The following FAM9B variants were observed in gnomAD, a reference collection of about 807,000 sequenced individuals.
FAM9B encodes the protein family with sequence similarity 9 member B.
FAM9B carries 18 observed loss-of-function variants against 16.6 expected under a neutral mutation model. The observed-to-expected ratio is 1.09, with a 90% confidence interval of 0.75 to 1.61. The LOEUF (loss-of-function observed/expected upper bound fraction) is 1.61, where lower values mean the gene tolerates loss of function less well. Ranked by LOEUF, FAM9B falls within the 40% of genes most tolerant of loss-of-function variation. The probability of loss-of-function intolerance (pLI) is 0.00; values close to 1 mark genes in which losing one functional copy is unlikely to be tolerated. For missense variants in FAM9B, 155 were observed against 136.0 expected (o/e 1.14, Z -0.70); for synonymous variants, 43 against 42.6 (o/e 1.01, Z -0.03).
chrX:9,026,164 TA>T (rs1920964906), intron 7 of FAM9B, among the ~76,000 whole-genome samples: 1 of 111,843 alleles, frequency 8.9e-6, no homozygotes, highest in African/African-American at 3.2e-5. Context: ...AATGCACAAA[TA>T]AAAAACAAGT....
At chrX:9,029,982 A>G in intron 5 of FAM9B, 2 of 415,126 alleles carry the variant, frequency 4.8e-6, no homozygotes, top group Non-Finnish European at 8.3e-6. Context: ...TGCAGCTACC[A>G]TATTTCTAGA....
chrX:9,032,397 A>G lies in FAM9B; in HGVS notation c.93T>C (p.Asp31=), dbSNP rs756328331. The change falls in exon 3 of 9, where the codon GAT becomes GAC. Residue 31 remains aspartate (D), a synonymous_variant. Coordinates refer to ENST00000327220, the MANE Select transcript of FAM9B (RefSeq NM_205849.3). ...CTCTTTCCCCATGCTCATCAGTTAC[A>G]TCTTCCTCCCTTGTTTCTGTAAAAC... ...RNRFTETREE[D]VTDEHGEREP... is the part of the protein sequence containing the mutation. 2 of 1,211,742 alleles carry G rather than the reference A, an allele frequency of 1.7e-6. No homozygotes were observed. The highest frequency in any genetic ancestry group is 5.9e-5 in the East Asian group (2 of 33,807).
chrX:9,030,259 A>G lies in FAM9B; in HGVS notation c.281+2T>C. The G allele has an allele frequency of 8.4e-7, 1 of 1,193,459 alleles. No individual in the cohort carries two copies. Among genetic ancestry groups the G allele is most frequent in the Non-Finnish European group, 1.1e-6 (1 of 885,866 alleles). On this transcript the variant is annotated splice_donor_variant, in intron 5 of 8. Transcript: ENST00000327220. LOFTEE classifies it high-confidence loss of function. The stretch of plus-strand genomic sequence containing the variant: ...ATTATGCAAAAAAGCCAACAGTCAT[A>G]CCTTTTAAGTTGCTTTTTTCTCAAA...
At chrX:9,033,346 C>A in intron 1 of FAM9B, 1 of 1,028,162 alleles carries the variant, frequency 9.7e-7, no homozygotes, top group Admixed American at 4.1e-5. Flanking sequence ...AGAACTCAGC[C>A]CTACCTCTGA....
intron 1 of FAM9B, chrX:9,033,320 G>A (rs1280592988): frequency 1.0e-5 from 11 of 1,053,628 alleles, no homozygotes; most frequent in African/African-American, 7.7e-5. Flanking sequence ...CGGGATCCTC[G>A]CCGCCCTTTT....
intron 7 of FAM9B, among the ~76,000 whole-genome samples, chrX:9,026,218 G>A (rs1175403130): frequency 7.1e-5 from 8 of 111,987 alleles, no homozygotes; most frequent in Admixed American, 4.8e-4. Flanking sequence ...CAACTCACTC[G>A]GGCATGTAGC....
chrX:9,030,286 C>T lies in FAM9B; in HGVS notation c.256G>A (p.Ala86Thr), dbSNP rs755079225. ...CTTTTAAGTTGCTTTTTTCTCAAAG[C>T]ATGTTTACTTTTGTTCTTTGTTTTG... ...CSKTKNKSKH[A>T]LRKKQLKRQK... The change falls in exon 5 of 9, where the codon GCT becomes ACT. Residue 86 changes from alanine to threonine, a missense_variant. Ala to Thr is a moderately conservative substitution (Grantham distance 58, BLOSUM62 0). Coordinates refer to ENST00000327220, the MANE Select transcript of FAM9B (RefSeq NM_205849.3). 2.5e-6 allele frequency: 3 copies of T among 1,202,019 alleles called. No homozygotes were observed. Among genetic ancestry groups the T allele is most frequent in the Admixed American group, 2.2e-5 (1 of 44,664 alleles).
intron 7 of FAM9B, 83 bp from the exon 8 acceptor site, chrX:9,025,666 A>C: frequency 1.4e-6 from 1 of 725,192 alleles, no homozygotes; most frequent in Non-Finnish European, 2.1e-6. Context: ...GTCAAAAGGA[A>C]ACAGCTTTTA....
In FAM9B at chrX:9,032,983, C is replaced by T; in HGVS notation, c.4G>A (p.Ala2Thr). The T allele has an allele frequency of 1.7e-6, 2 of 1,211,986 alleles. No homozygotes were observed. Among genetic ancestry groups the T allele is most frequent in the Non-Finnish European group, 2.2e-6 (2 of 895,556 alleles). MAAWGKKHAGKD... is the reference protein window; with the variant it reads MTAWGKKHAGKD... ...CCTGCATGCTTCTTCCCCCAGGCCG[C>T]CATAAATTGAGCCTCCAACTGGGCC... Residue 2 changes from alanine to threonine, a missense_variant, in exon 2 of 9, where the codon GCG (alanine) becomes ACG (threonine). Ala to Thr is a moderately conservative substitution (Grantham distance 58). Transcript: ENST00000327220.
intron 6 of FAM9B, among the ~76,000 whole-genome samples, chrX:9,029,042 C>T (rs995384490): frequency 8.9e-6 from 1 of 111,812 alleles, no homozygotes; most frequent in African/African-American, 3.2e-5. Context: ...GGCTACACCC[C>T]GACCCAGGAA....
At chrX:9,033,285 T>A in intron 1 of FAM9B, 1 of 1,079,486 alleles carries the variant, frequency 9.3e-7, no homozygotes, top group African/African-American at 1.9e-5. Flanking sequence ...CAGCTGCCCC[T>A]CACACCTGAA....
chrX:9,031,503 C>T (rs921100317), intron 4 of FAM9B: 3 of 110,685 alleles, frequency 2.7e-5, no homozygotes, highest in African/African-American at 9.9e-5. Context: ...TTAAAGAAAA[C>T]AAAATCAGAA....
intron 2 of FAM9B, 200 bp downstream of exon 2, chrX:9,032,757 TGA>T: frequency 1.7e-6 from 1 of 581,408 alleles, no homozygotes; most frequent in East Asian, 3.6e-5. Flanking sequence ...AACCCTGCTA[TGA>T]GGGGGAGCCT....
In FAM9B at chrX:9,027,886, T is replaced by A; in HGVS notation, c.474A>T (p.Leu158=). The A allele has an allele frequency of 2.5e-6, 3 of 1,210,249 alleles. No individual in the cohort carries two copies. Among genetic ancestry groups the A allele is most frequent in the Non-Finnish European group, 3.4e-6 (3 of 894,070 alleles). Residue 158 remains leucine (L), a synonymous_variant, in exon 7 of 9, where the codon CTA becomes CTT. Coordinates refer to ENST00000327220, the MANE Select transcript of FAM9B (RefSeq NM_205849.3). Reference sequence around the variant, plus strand: ...AACAGACCTTTACGAATTGGTCACGTAGCAGCTTCATCTCTTTCAGCCTCT... The same window carrying A: ...AACAGACCTTTACGAATTGGTCACGAAGCAGCTTCATCTCTTTCAGCCTCT... The part of the protein sequence containing the change: ...RRERLKEMKL[L]RDQFVKALED...
At chrX:9,030,226 T>C in intron 5 of FAM9B, 35 bp downstream of exon 5, 3 of 1,168,453 alleles carry the variant, frequency 2.6e-6, no homozygotes, top group Middle Eastern at 2.4e-4. Flanking sequence ...AGAAATGATA[T>C]AAATATCATT....
In FAM9B at chrX:9,027,874, G is replaced by C. The variant is rs140708668; in HGVS notation, c.486C>G (p.Phe162Leu). The change falls in exon 7 of 9, where the codon TTC becomes TTG. Residue 162 changes from phenylalanine (F) to leucine (L), a missense_variant. Coordinates refer to ENST00000327220, the MANE Select transcript of FAM9B (RefSeq NM_205849.3). The stretch of plus-strand genomic sequence containing the variant: ...GTTACCAAATAGAACAGACCTTTAC[G>C]AATTGGTCACGTAGCAGCTTCATCT... ...LKEMKLLRDQ[F>L]VKALEDFEDL... The C allele has an allele frequency of 8.3e-7, 1 of 1,205,666 alleles. No individual in the cohort carries two copies. Among genetic ancestry groups the C allele is most frequent in the Non-Finnish European group, 1.1e-6 (1 of 890,295 alleles).
At position 9,030,252 on chromosome X, in the gene FAM9B, C is replaced by T. The variant is rs771942832; in HGVS notation, c.281+9G>A. 27 of 1,185,150 alleles carry T rather than the reference C, an allele frequency of 2.3e-5. No homozygotes were observed. The East Asian group carries it at 6.3e-4, about 28-fold the overall frequency. The stretch of plus-strand genomic sequence containing the variant: ...AAATATCATTATGCAAAAAAGCCAA[C>T]AGTCATACCTTTTAAGTTGCTTTTT... On this transcript the variant is annotated intron_variant, in intron 5 of 8. Coordinates refer to ENST00000327220, the MANE Select transcript of FAM9B (RefSeq NM_205849.3).
At chrX:9,031,828 G>A (rs1403347178) in intron 4 of FAM9B, 4 of 257,030 alleles carry the variant, frequency 1.6e-5, no homozygotes, top group Non-Finnish European at 2.7e-5. Context: ...TAAAAGGAAC[G>A]AATAGAGCTG....
At chrX:9,033,785 G>T in intron 1 of FAM9B, 67 bp downstream of exon 1, 8 of 747,175 alleles carry the variant, frequency 1.1e-5, no homozygotes, top group Non-Finnish European at 1.3e-5. Context: ...GCTGCCCAGC[G>T]CTTCACACCC....
Sources: gnomAD v4.1 joint callset for allele counts (sites outside exome capture counted in the v4.1 genomes callset) on GRCh38, gnomAD v4.1.1 for gene constraint, MANE v1.5 for transcripts, NCBI Gene and HGNC (gene_info 2026-07-23, HGNC 2026-07-21) for gene names.